TMEM183A: variants seen among roughly 807,000 people sequenced by gnomAD.
TMEM183A encodes transmembrane protein 183A.
A neutral mutation model predicts 46.7 loss-of-function variants in TMEM183A; 21 were observed. That is an observed-to-expected ratio of 0.45 (90% CI 0.32 to 0.65). The LOEUF (loss-of-function observed/expected upper bound fraction) is 0.65, where lower values mean the gene tolerates loss of function less well. Among genes scored for constraint, TMEM183A ranks in the 30% least tolerant of loss-of-function variants. The probability of loss-of-function intolerance (pLI) is 0.04; values close to 1 mark genes in which losing one functional copy is unlikely to be tolerated. For missense variants in TMEM183A, 331 were observed against 481.9 expected (o/e 0.69, Z 2.93); for synonymous variants, 165 against 180.2 (o/e 0.92, Z 0.68).
intron 6 of TMEM183A, 117 bp from the exon 7 acceptor site, chr1:203,020,676 A>G: frequency 7.9e-7 from 1 of 1,260,580 alleles, no homozygotes; most frequent in Non-Finnish European, 1.1e-6. Context: ...GTATAAAGAG[A>G]GAAGATAAAA....
chr1:203,007,628 G>A (rs1656079942), intron 1 of TMEM183A, 54 bp downstream of exon 1: 3 of 1,518,932 alleles, frequency 2.0e-6, no homozygotes, highest in African/African-American at 2.8e-5. Flanking sequence ...CGGCTGGGAG[G>A]GGGCTGGACC....
intron 6 of TMEM183A, 146 bp downstream of exon 6, chr1:203,018,707 T>C (rs1164174819): frequency 5.2e-6 from 5 of 964,194 alleles, no homozygotes; most frequent in South Asian, 1.7e-5. Context: ...TTAACAGTTC[T>C]GGAGGCTGGG....
At chr1:203,012,769 G>A (rs1184222527) in intron 3 of TMEM183A, among the ~76,000 whole-genome samples, 1 of 152,078 alleles carries the variant, frequency 6.6e-6, no homozygotes, top group African/African-American at 2.4e-5. Flanking sequence ...TCACTCTGTT[G>A]CCCAGGCTGG....
rs367857593 is a variant in TMEM183A, at chr1:203,015,968, C to G, written c.536C>G (p.Thr179Arg). 1.6e-5 allele frequency: 26 copies of G among 1,613,750 alleles called. No homozygotes were observed. Among genetic ancestry groups the G allele is most frequent in the Non-Finnish European group, 2.0e-5 (24 of 1,179,808 alleles). The change falls in exon 5 of 8, where the codon ACG (threonine) becomes AGG (arginine). Residue 179 changes from threonine to arginine, a missense_variant. By Grantham distance (71) the Thr-to-Arg change is moderately conservative. This residue lies in a region of TMEM183A where 233 missense variants were observed against 385.8 expected (regional missense o/e 0.60). Transcript: ENST00000367242. ...AATGTGTCATGTTTCAGGCACTACA[C>G]GCTGGATGCTTCCCTGCCTTTGCGT... ...FWTRLYRRHY[T>R]LDASLPLRLR...
At chr1:203,010,637 A>G (rs1265669203) in intron 3 of TMEM183A, among the ~76,000 whole-genome samples, 1 of 152,170 alleles carries the variant, frequency 6.6e-6, no homozygotes, top group East Asian at 1.9e-4. Flanking sequence ...ACTTATCACC[A>G]TTCTATTAGG....
intron 5 of TMEM183A, among the ~76,000 whole-genome samples, chr1:203,017,525 C>T (rs761540889): frequency 6.6e-6 from 1 of 152,200 alleles, no homozygotes; most frequent in Non-Finnish European, 1.5e-5. Context: ...AAACTAAGGT[C>T]TTAATCCAGA....
intron 7 of TMEM183A, among the ~76,000 whole-genome samples, chr1:203,022,316 A>G (rs1226932156): frequency 1.3e-5 from 2 of 152,076 alleles, no homozygotes; most frequent in Non-Finnish European, 2.9e-5. Context: ...TGCCTGCCTT[A>G]GCCTCCCAAA....
chr1:203,018,478 T>C lies in TMEM183A; in HGVS notation c.709-3T>C, dbSNP rs753478939. Reference sequence around the variant, plus strand: ...GGTTTATTTTATTTTTACTTTCTTATAGTGCTTACTTTTCTGGTGCAGAAA... The same window carrying C: ...GGTTTATTTTATTTTTACTTTCTTACAGTGCTTACTTTTCTGGTGCAGAAA... On this transcript the variant is annotated splice_region_variant and splice_polypyrimidine_tract_variant and intron_variant, in intron 5 of 7. Coordinates refer to ENST00000367242, the MANE Select transcript of TMEM183A (RefSeq NM_138391.6). The C allele has an allele frequency of 2.1e-5, 34 of 1,608,522 alleles. No individual in the cohort carries two copies. Among genetic ancestry groups the C allele is most frequent in the East Asian group, 1.1e-4 (5 of 44,856 alleles).
rs747363805 is a variant in TMEM183A at position 203,022,882 on chromosome 1, C to T, written c.973C>T (p.Arg325Trp). 7 of 1,613,646 alleles carry T rather than the reference C, an allele frequency of 4.3e-6. No individual in the cohort carries two copies. The highest frequency in any genetic ancestry group is 1.1e-5 in the South Asian group (1 of 91,044). The change falls in exon 8 of 8, where the codon CGG (arginine) becomes TGG (tryptophan). Residue 325 changes from arginine (R) to tryptophan (W), a missense_variant. This residue lies in a region of TMEM183A where 233 missense variants were observed against 385.8 expected (regional missense o/e 0.60). Transcript: ENST00000367242. Reference sequence around the variant, plus strand: ...TACTATCAATGTGAGCACGGACATGCGGCATCATCGAGTGAGACTGGTGTT... The same window carrying T: ...TACTATCAATGTGAGCACGGACATGTGGCATCATCGAGTGAGACTGGTGTT... ...LFTINVSTDM[R>W]HHRVRLVFQD... is the part of the protein sequence containing the mutation.
At chr1:203,017,065 C>T (rs552410999) in intron 5 of TMEM183A, among the ~76,000 whole-genome samples, 5 of 152,086 alleles carry the variant, frequency 3.3e-5, no homozygotes, top group African/African-American at 9.7e-5. Context: ...CTTTTGATTT[C>T]GAGATTATCG....
intron 3 of TMEM183A, among the ~76,000 whole-genome samples, chr1:203,012,339 T>G (rs1292491959): frequency 6.6e-6 from 1 of 151,834 alleles, no homozygotes; most frequent in Non-Finnish European, 1.5e-5. Flanking sequence ...AGTAGTTATC[T>G]TTTTAAAAAT....
chr1:203,012,148 TCACACACACACACA>T (rs767000280), intron 3 of TMEM183A, among the ~76,000 whole-genome samples: 2 of 79,396 alleles, frequency 2.5e-5, no homozygotes, highest in African/African-American at 1.0e-4. Context: ...CCCCACTCCA[TCACACACACACACA>T]CACACACACA....
Position 203,014,970 on chromosome 1 carries a change from T to C in TMEM183A, c.449T>C (p.Ile150Thr), listed in dbSNP as rs1201893922. 3.1e-6 allele frequency: 5 copies of C among 1,613,940 alleles called. No homozygotes were observed. Among genetic ancestry groups the C allele is most frequent in the Non-Finnish European group, 4.2e-6 (5 of 1,179,896 alleles). The change falls in exon 4 of 8, where the codon ATT (isoleucine) becomes ACT (threonine). Residue 150 changes from isoleucine (I) to threonine (T), a missense_variant. Ile to Thr is a moderately conservative substitution (Grantham distance 89). Around this residue, in one of 2 missense-constraint regions of TMEM183A, gnomAD observed 233 missense variants for 385.8 expected, o/e 0.60. Coordinates refer to ENST00000367242, the MANE Select transcript of TMEM183A (RefSeq NM_138391.6). ...GCCTCCTATATCCGTCCTGAGGACA[T>C]TGTGAATTTTTCCCTGATTTGTAAG... ...LLASYIRPED[I>T]VNFSLICKNA...
chr1:203,020,669 TAAAG>T, intron 6 of TMEM183A, 120 bp from the exon 7 acceptor site: 1 of 1,225,494 alleles, frequency 8.2e-7, no homozygotes, highest in Non-Finnish European at 1.1e-6. Flanking sequence ...GAAACATGTA[TAAAG>T]AGAGAAGATA....
At chr1:203,015,469 T>A (rs1657083674) in intron 4 of TMEM183A, 1 of 230,096 alleles carries the variant, frequency 4.3e-6, no homozygotes, top group South Asian at 6.8e-5. Flanking sequence ...GCCTTATGTA[T>A]AGTTGTAGTG....
At chr1:203,008,548 C>T (rs1656222737) in intron 2 of TMEM183A, 95 bp from the exon 3 acceptor site, 2 of 1,130,630 alleles carry the variant, frequency 1.8e-6, no homozygotes, top group Non-Finnish European at 2.3e-6. Context: ...TTTTTTTTCC[C>T]CCCTTTCCTG....
At chr1:203,022,601 G>A (rs951844269) in intron 7 of TMEM183A, among the ~76,000 whole-genome samples, 1 of 151,830 alleles carries the variant, frequency 6.6e-6, no homozygotes, top group Non-Finnish European at 1.5e-5. Flanking sequence ...TACTTGGGAG[G>A]CTGAGGCACA....
intron 5 of TMEM183A, 60 bp from the exon 6 acceptor site, chr1:203,018,421 T>C (rs1420896260): frequency 1.3e-6 from 2 of 1,556,424 alleles, no homozygotes; most frequent in African/African-American, 1.4e-5. Context: ...TTGGTTGTAG[T>C]GTATTTTGAT....
intron 5 of TMEM183A, chr1:203,017,871 G>A (rs1657314831): frequency 3.0e-6 from 3 of 986,114 alleles, no homozygotes; most frequent in Non-Finnish European, 3.6e-6. Context: ...CATGTCTGAA[G>A]GGCAGGACAG....
Sources: allele counts gnomAD v4.1 joint callset (sites outside exome capture counted in the v4.1 genomes callset), GRCh38; gene constraint gnomAD v4.1.1; regional missense constraint gnomAD v4.1.1; transcripts MANE v1.5; gene names NCBI Gene and HGNC (gene_info 2026-07-23, HGNC 2026-07-21).